SAMD5: variants seen among roughly 807,000 people sequenced by gnomAD.
The protein encoded by SAMD5 is sterile alpha motif domain-containing protein 5.
A neutral mutation model predicts 11.3 loss-of-function variants in SAMD5; 13 were observed. The observed-to-expected ratio is 1.15, with a 90% CI of 0.75 to 1.83. The LOEUF is 1.83. SAMD5 is among the 40% of genes most tolerant of loss of function. The pLI is 0.00. For synonymous variants in SAMD5, 129 were observed against 111.3 expected (o/e 1.16, Z -1.00); for missense variants, 255 against 239.1 (o/e 1.07, Z -0.44).
intron 1 of SAMD5, among the ~76,000 whole-genome samples, chr6:147,577,220 A>G (rs1481133530): frequency 1.3e-5 from 2 of 152,178 alleles, no homozygotes; most frequent in African/African-American, 4.8e-5. Context: ...TGAATCAATA[A>G]CCGTCTTGCT....
At chr6:147,581,000 A>G (rs1453706490) in intron 1 of SAMD5, among the ~76,000 whole-genome samples, 19 of 152,160 alleles carry the variant, frequency 1.2e-4, no homozygotes, top group Admixed American at 1.2e-3. Flanking sequence ...CAAGGAAAAG[A>G]GCAGTTTTTT....
rs547152991 is a variant in SAMD5 at position 147,612,938 on chromosome 6, C to T, written c.162+103551C>T. Among the ~76,000 whole-genome samples, 4 of 152,230 alleles carry T rather than the reference C, an allele frequency of 2.6e-5. No homozygotes were observed. In the East Asian group the frequency reaches 7.7e-4, roughly 29 times the overall value. On this transcript the variant is annotated intron_variant, in intron 1 of 1. Coordinates refer to the SAMD5 transcript ENST00000566741. Reference sequence around the variant, plus strand: ...ATTTGGTTGGGCATGGTGGCTCATACCTGTAATCCCAGCACTTTGGGAGGC... The same window carrying T: ...ATTTGGTTGGGCATGGTGGCTCATATCTGTAATCCCAGCACTTTGGGAGGC...
intron 1 of SAMD5, among the ~76,000 whole-genome samples, chr6:147,616,321 A>G (rs1430304715): frequency 1.4e-5 from 2 of 146,870 alleles, no homozygotes; most frequent in African/African-American, 2.5e-5. Context: ...TTATTCATAT[A>G]TACTTCATAT....
chr6:147,609,339 A>G (rs908614886), intron 1 of SAMD5, among the ~76,000 whole-genome samples: 17 of 152,174 alleles, frequency 1.1e-4, no homozygotes, highest in Middle Eastern at 3.2e-3. Context: ...CTGGAATAGA[A>G]CATTGCCTCA....
chr6:147,833,873 T>G, the SAMD5 span, among the ~76,000 whole-genome samples: 3 of 152,228 alleles, frequency 2.0e-5, no homozygotes, highest in Non-Finnish European at 4.4e-5. Flanking sequence ...TTTCCAGTCC[T>G]GTGTTGGTGA....
At chr6:147,682,551 GA>G (rs1790954965) in intron 1 of SAMD5, among the ~76,000 whole-genome samples, 1 of 152,176 alleles carries the variant, frequency 6.6e-6, no homozygotes, top group African/African-American at 2.4e-5. Flanking sequence ...GTATGGTAAG[GA>G]GGGCTCTGCT....
intron 1 of SAMD5, among the ~76,000 whole-genome samples, chr6:147,678,074 A>T (rs533247670): frequency 6.6e-6 from 1 of 152,340 alleles, no homozygotes; most frequent in African/African-American, 2.4e-5. Context: ...ATGGTAAATT[A>T]TCATAGATAT....
At chr6:147,591,176 A>G (rs1333921426) in intron 1 of SAMD5, among the ~76,000 whole-genome samples, 1 of 152,150 alleles carries the variant, frequency 6.6e-6, no homozygotes, top group Non-Finnish European at 1.5e-5. Flanking sequence ...AGATGGGGAA[A>G]AGGTCAACAG....
At chr6:147,849,158 ATTT>A in the SAMD5 span, among the ~76,000 whole-genome samples, 1 of 140,720 alleles carries the variant, frequency 7.1e-6, no homozygotes, top group Non-Finnish European at 1.5e-5. Context: ...CTATATGTGA[ATTT>A]TTTTTTTTTT....
chr6:147,944,993 T>C, the SAMD5 span, among the ~76,000 whole-genome samples: 5 of 152,216 alleles, frequency 3.3e-5, no homozygotes, highest in Admixed American at 3.3e-4. Context: ...AACTGAGATA[T>C]AGTCCCCATC....
intron 1 of SAMD5, among the ~76,000 whole-genome samples, chr6:147,699,228 C>T (rs1466720840): frequency 6.6e-6 from 1 of 152,126 alleles, no homozygotes; most frequent in Non-Finnish European, 1.5e-5. Context: ...AGACTGACGC[C>T]TGGCTCAAAG....
chr6:147,725,413 G>A (rs1266325363), intron 1 of SAMD5, among the ~76,000 whole-genome samples: 2 of 145,360 alleles, frequency 1.4e-5, no homozygotes, highest in African/African-American at 2.6e-5. Context: ...TTTTGAGACC[G>A]AGTCTAGCTC....
intron 1 of SAMD5, among the ~76,000 whole-genome samples, chr6:147,610,428 T>C (rs1024197336): frequency 7.2e-5 from 11 of 152,176 alleles, no homozygotes; most frequent in African/African-American, 2.7e-4. Flanking sequence ...ATGTAAGCAG[T>C]GCTCCAGGGA....
chr6:147,830,597 G>C, the SAMD5 span, among the ~76,000 whole-genome samples: 1 of 152,050 alleles, frequency 6.6e-6, no homozygotes, highest in South Asian at 2.1e-4. Flanking sequence ...GCTAATAAGA[G>C]ACAGGCAGAT....
intron 1 of SAMD5, among the ~76,000 whole-genome samples, chr6:147,606,221 G>T (rs1340762586): frequency 6.6e-6 from 1 of 152,200 alleles, no homozygotes; most frequent in Non-Finnish European, 1.5e-5. Context: ...AGAAATGTGC[G>T]GAAGGTGGGC....
chr6:147,651,248 C>A (rs527655100), intron 1 of SAMD5, among the ~76,000 whole-genome samples: 1 of 152,164 alleles, frequency 6.6e-6, no homozygotes, highest in Non-Finnish European at 1.5e-5. Flanking sequence ...CAAACGATTA[C>A]GGTCCAGCTC....
At chr6:147,542,994 T>A (rs1184697796) in intron 1 of SAMD5, among the ~76,000 whole-genome samples, 1 of 152,180 alleles carries the variant, frequency 6.6e-6, no homozygotes, top group East Asian at 1.9e-4. Context: ...TCTTTCACTA[T>A]CTCAGTTATA....
At chr6:147,591,715 A>T (rs12530032) in intron 1 of SAMD5, among the ~76,000 whole-genome samples, 1 of 152,104 alleles carries the variant, frequency 6.6e-6, no homozygotes, top group African/African-American at 2.4e-5. Flanking sequence ...GGGGATTTTC[A>T]CTAATTTGAA....
intron 1 of SAMD5, among the ~76,000 whole-genome samples, chr6:147,558,626 T>A (rs1410948602): frequency 6.6e-6 from 1 of 152,084 alleles, no homozygotes; most frequent in Non-Finnish European, 1.5e-5. Flanking sequence ...ACTCTGCCCT[T>A]GCCCCTCTCA....
Sources: allele counts gnomAD v4.1 joint callset (sites outside exome capture counted in the v4.1 genomes callset), GRCh38; gene constraint gnomAD v4.1.1; transcripts MANE v1.5; gene names NCBI Gene and HGNC (gene_info 2026-07-23, HGNC 2026-07-21).